FRMD3: variants seen among roughly 807,000 people sequenced by gnomAD.
FRMD3 encodes FERM domain containing 3, also known as FERM domain-containing protein 3.
In FRMD3, 33 loss-of-function variants were observed where a neutral mutation model predicts 70.2. The observed-to-expected ratio is 0.47, with a 90% CI of 0.36 to 0.63. The LOEUF (loss-of-function observed/expected upper bound fraction) is 0.63, where lower values mean the gene tolerates loss of function less well. FRMD3 is among the 20% of genes least tolerant of loss of function. The probability of loss-of-function intolerance (pLI) is 0.00; values close to 1 mark genes in which losing one functional copy is unlikely to be tolerated. For missense variants in FRMD3, 632 were observed against 711.4 expected, an observed-to-expected ratio of 0.89 and a Z score of 1.27; for synonymous variants, 279 against 255.9, an observed-to-expected ratio of 1.09 and a Z score of -0.86.
At chr9:83,583,411 T>C in the FRMD3 span, among the ~76,000 whole-genome samples, 1 of 152,166 alleles carries the variant, frequency 6.6e-6, no homozygotes, top group Non-Finnish European at 1.5e-5. Flanking sequence ...GCCTTCCCCC[T>C]GCCAGCCCCA....
At chr9:83,337,071 C>T (rs1172261599) in intron 5 of FRMD3, among the ~76,000 whole-genome samples, 1 of 152,136 alleles carries the variant, frequency 6.6e-6, no homozygotes, top group African/African-American at 2.4e-5. Context: ...CAAAAGTGAA[C>T]ATGGGATGCA....
intron 1 of FRMD3, among the ~76,000 whole-genome samples, chr9:83,490,763 TTCTCTCTCTCTCTC>T (rs67058664): frequency 1.2e-3 from 151 of 129,278 alleles, no homozygotes; most frequent in Middle Eastern, 4.3e-3. Context: ...TTTTACTCTC[TTCTCTCTCTCTCTC>T]TCTCTCTCTC....
chr9:83,407,861 C>CTCTCTCTCATCTT (rs1826158679), intron 1 of FRMD3, among the ~76,000 whole-genome samples: 16 of 129,934 alleles, frequency 1.2e-4, no homozygotes, highest in African/African-American at 3.1e-4. Context: ...CTCTCTCTCT[C>CTCTCTCTCATCTT]TCTCTCTCTC....
chr9:83,307,383 ATAG>A (rs1193560545), intron 10 of FRMD3, among the ~76,000 whole-genome samples: 2 of 152,230 alleles, frequency 1.3e-5, no homozygotes, highest in East Asian at 3.8e-4. Flanking sequence ...AGCATTACTC[ATAG>A]TAGCTAAAAA....
At chr9:83,287,551 C>T (rs1379526453) in intron 13 of FRMD3, among the ~76,000 whole-genome samples, 7 of 152,180 alleles carry the variant, frequency 4.6e-5, no homozygotes, top group African/African-American at 1.4e-4. Flanking sequence ...GCAAATCACA[C>T]GAGGCCCATA....
chr9:83,553,319 TA>T, the FRMD3 span, among the ~76,000 whole-genome samples: 1 of 152,242 alleles, frequency 6.6e-6, no homozygotes, highest in Non-Finnish European at 1.5e-5. Flanking sequence ...TTCTGGCTTG[TA>T]GGGTTTCAGC....
chr9:83,259,888 G>C (rs1290629295), intron 13 of FRMD3, among the ~76,000 whole-genome samples: 1 of 152,120 alleles, frequency 6.6e-6, no homozygotes, highest in Non-Finnish European at 1.5e-5. Context: ...AAGGAGAAAG[G>C]TGAAGGAAGA....
At chr9:83,310,765 A>C (rs1391557017) in intron 8 of FRMD3, among the ~76,000 whole-genome samples, 1 of 152,220 alleles carries the variant, frequency 6.6e-6, no homozygotes, top group Non-Finnish European at 1.5e-5. Flanking sequence ...AGAATTATTT[A>C]TTCTATTATT....
At chr9:83,439,513 G>A (rs1243318909) in intron 1 of FRMD3, among the ~76,000 whole-genome samples, 1 of 152,196 alleles carries the variant, frequency 6.6e-6, no homozygotes, top group Non-Finnish European at 1.5e-5. Flanking sequence ...TCCTCCTAAT[G>A]TGACCCTTCT....
chr9:83,374,039 T>G (rs1381772081), intron 2 of FRMD3, among the ~76,000 whole-genome samples: 1 of 152,176 alleles, frequency 6.6e-6, no homozygotes, highest in South Asian at 2.1e-4. Context: ...TGCTATCTTA[T>G]GTAGTCCTCC....
At position 83,246,262 on chromosome 9, in the gene FRMD3, T is replaced by G; in HGVS notation, c.*1656A>C. 6.1e-6 allele frequency: 6 copies of G among 984,960 alleles called. No individual in the cohort carries two copies. The highest frequency in any genetic ancestry group is 7.2e-6 in the Non-Finnish European group (6 of 829,590). 61.0% of individuals were successfully genotyped at this position (984,960 alleles called of 1,614,324 possible). A position where few individuals can be genotyped will look rare whatever the true frequency, so the allele number is the denominator to read the frequency against. ...GAATGTTTTCAATCCACAGAGAAGC[T>G]CTATGCTCCATGGCATAAGTTCTAG... On this transcript the variant is annotated 3_prime_UTR_variant, in exon 14 of 14. Coordinates refer to ENST00000304195, the MANE Select transcript of FRMD3 (RefSeq NM_174938.6).
chr9:83,451,264 T>C (rs558796313), intron 1 of FRMD3, among the ~76,000 whole-genome samples: 1 of 152,234 alleles, frequency 6.6e-6, no homozygotes, highest in South Asian at 2.1e-4. Context: ...TTTTAATTTC[T>C]TTTCAGAGCA....
the FRMD3 span, among the ~76,000 whole-genome samples, chr9:83,571,624 G>C: frequency 2.3e-4 from 35 of 152,204 alleles, no homozygotes; most frequent in Non-Finnish European, 4.3e-4. Context: ...GAGACATCTA[G>C]CTAAGACAGA....
chr9:83,582,241 A>G, the FRMD3 span, among the ~76,000 whole-genome samples: 1 of 152,164 alleles, frequency 6.6e-6, no homozygotes, highest in Non-Finnish European at 1.5e-5. Flanking sequence ...CCAGCCGAAA[A>G]GCAATATCTT....
At chr9:83,560,291 G>A in the FRMD3 span, among the ~76,000 whole-genome samples, 1 of 152,078 alleles carries the variant, frequency 6.6e-6, no homozygotes, top group Non-Finnish European at 1.5e-5. Context: ...GAAAGTGACA[G>A]TGTGCTGTCA....
the FRMD3 span, among the ~76,000 whole-genome samples, chr9:83,550,035 C>T: frequency 6.6e-6 from 1 of 152,056 alleles, no homozygotes; most frequent in South Asian, 2.1e-4. Flanking sequence ...ATTCCTATGT[C>T]CGGGATAGTA....
In FRMD3 at chr9:83,337,505, A is replaced by T. The variant is rs191965469; in HGVS notation, c.473-1866T>A. On this transcript the variant is annotated intron_variant, in intron 5 of 13. Transcript: ENST00000304195. ...ATGTCTGGCATCAAGAATACTTTCT[A>T]TTGGTTCCACAAGCATGCTAAGGAA... is the stretch of plus-strand genomic sequence containing the variant. Among the ~76,000 whole-genome samples the T allele has an allele frequency of 7.1e-4, 108 of 152,304 alleles. 3 individuals are homozygous for T. The East Asian group carries it at 0.015, about 22-fold the overall frequency.
chr9:83,299,291 T>G, intron 10 of FRMD3, 105 bp from the exon 11 acceptor site: 1 of 673,178 alleles, frequency 1.5e-6, no homozygotes, highest in East Asian at 2.7e-5. Flanking sequence ...GAAAGAAATG[T>G]AATTTACCTT....
chr9:83,566,367 T>C, the FRMD3 span, among the ~76,000 whole-genome samples: 1 of 152,126 alleles, frequency 6.6e-6, no homozygotes, highest in Admixed American at 6.5e-5. Context: ...GGAGATAAAA[T>C]TCAAGTTGAG....
Sources: allele counts gnomAD v4.1 joint callset (sites outside exome capture counted in the v4.1 genomes callset), GRCh38; gene constraint gnomAD v4.1.1; transcripts MANE v1.5; gene names NCBI Gene and HGNC (gene_info 2026-07-23, HGNC 2026-07-21).